TACC2: variants seen among roughly 807,000 people sequenced by gnomAD.
TACC2 encodes the protein transforming acidic coiled-coil containing protein 2.
TACC2 carries 137 observed loss-of-function variants against 227.3 expected under a neutral mutation model. That is an observed-to-expected ratio of 0.60 (90% CI 0.52 to 0.69). The LOEUF is 0.69. TACC2 is among the 30% of genes least tolerant of loss of function. TACC2 has a pLI of 0.00. For synonymous variants in TACC2, 1,523 were observed against 1,487.5 expected, an observed-to-expected ratio of 1.02 and a Z score of -0.55; for missense variants, 3,470 against 3,694.4, an observed-to-expected ratio of 0.94 and a Z score of 1.57.
At position 122,236,850 on chromosome 10, in the gene TACC2, A is replaced by G. The variant is rs17103254; in HGVS notation, c.8128-545A>G. On this transcript the variant is annotated intron_variant, in intron 16 of 22. Transcript: ENST00000369005. ...CAGAGACTCTACCTAGCCAAAGGTG[A>G]TATTGGTTGACAACTACAGTAGGCT... is the stretch of plus-strand genomic sequence containing the variant. 0.011 allele frequency among the ~76,000 whole-genome samples: 1,705 copies of G among 152,346 alleles called. 112 individuals are homozygous for G. The East Asian group carries it at 0.2, about 18-fold the overall frequency.
intron 1 of TACC2, among the ~76,000 whole-genome samples, chr10:121,990,299 T>A (rs1952976493): frequency 6.6e-6 from 1 of 151,906 alleles, no homozygotes; most frequent in Non-Finnish European, 1.5e-5. Flanking sequence ...TTATTTTTTA[T>A]AGAGATGGGG....
chr10:122,023,353 A>G (rs1440248469), intron 2 of TACC2: 1 of 152,148 alleles, frequency 6.6e-6, no homozygotes, highest in Non-Finnish European at 1.5e-5. Flanking sequence ...TTTCTCAAGC[A>G]AGAAAACAAA....
rs1194723044 is a variant in TACC2, at chr10:122,211,637, T to G, written c.7212T>G (p.Ala2404=). Residue 2404 remains alanine (A), a synonymous_variant, in exon 9 of 23, where the codon GCT becomes GCG. Coordinates refer to ENST00000369005, the MANE Select transcript of TACC2 (RefSeq NM_206862.4). The part of the protein sequence containing the change: ...SPASFEIPAS[A]MEANGVDGDG... ...CCTCCTTTGAGATCCCAGCCAGTGC[T>G]ATGGAAGCCAATGGAGTGGACGGGG... 6.2e-7 allele frequency: 1 copy of G among 1,611,396 alleles called. No homozygotes were observed.
Position 122,197,158 on chromosome 10 carries a change from G to A in TACC2, c.5971+1982G>A, listed in dbSNP as rs374171887. ...CGCCTGTAGTCCCAGCTACTCAGGAGGCTGAGGCAGGAGAATCGCTTGAAC... is the reference window on the plus strand; with the variant it reads ...CGCCTGTAGTCCCAGCTACTCAGGAAGCTGAGGCAGGAGAATCGCTTGAAC... On this transcript the variant is annotated intron_variant, in intron 8 of 22. Coordinates refer to ENST00000369005, the MANE Select transcript of TACC2 (RefSeq NM_206862.4). Among the ~76,000 whole-genome samples the A allele has an allele frequency of 8.6e-4, 131 of 152,158 alleles. 3 individuals carry two copies. The South Asian group carries it at 0.013, about 15-fold the overall frequency.
intron 2 of TACC2, among the ~76,000 whole-genome samples, chr10:122,048,407 C>CCCTT (rs1330965354): frequency 1.2e-4 from 15 of 128,286 alleles, no homozygotes; most frequent in Admixed American, 1.7e-4. Context: ...CTTCCTTCCT[C>CCCTT]CCTCCCTCCC....
At chr10:122,073,126 A>AAAATATATAT (rs1383487943) in intron 3 of TACC2, among the ~76,000 whole-genome samples, 46 of 70,970 alleles carry the variant, frequency 6.5e-4, no homozygotes, top group South Asian at 1.1e-3. Context: ...AAAAAAAAAA[A>AAAATATATAT]ATATATATAT....
chr10:122,198,175 A>T (rs1471505545), intron 8 of TACC2, among the ~76,000 whole-genome samples: 3 of 152,160 alleles, frequency 2.0e-5, no homozygotes, highest in African/African-American at 4.8e-5. Flanking sequence ...GCTCCCTGGG[A>T]TGGAAGATGT....
At chr10:122,170,420 G>A (rs1205628624) in intron 7 of TACC2, among the ~76,000 whole-genome samples, 2 of 151,902 alleles carry the variant, frequency 1.3e-5, no homozygotes, top group African/African-American at 2.4e-5. Flanking sequence ...ACAGGTGCAC[G>A]CCACTGTGCC....
chr10:122,215,443 C>T lies in TACC2; in HGVS notation c.7336C>T (p.Pro2446Ser). The T allele has an allele frequency of 6.2e-7, 1 of 1,613,912 alleles. No individual in the cohort carries two copies. Among genetic ancestry groups the T allele is most frequent in the Non-Finnish European group, 8.5e-7 (1 of 1,179,820 alleles). Reference protein sequence around the residue: ...SPKRSPLSDPPSQDPTPAATP... With the variant: ...SPKRSPLSDPSSQDPTPAATP... Reference sequence around the variant, plus strand: ...AAAACGGTCTCCTCTCTCTGATCCACCTTCCCAGGTACAGTGTTCCTTTGA... The same window carrying T: ...AAAACGGTCTCCTCTCTCTGATCCATCTTCCCAGGTACAGTGTTCCTTTGA... Residue 2446 changes from proline to serine, a missense_variant, in exon 10 of 23, where the codon CCT (proline) becomes TCT (serine). Around this residue, in one of 10 missense-constraint regions of TACC2, gnomAD observed 593 missense variants for 636.6 expected, o/e 0.93. Coordinates refer to ENST00000369005, the MANE Select transcript of TACC2 (RefSeq NM_206862.4).
chr10:122,216,306 T>C (rs529161087), intron 10 of TACC2, among the ~76,000 whole-genome samples: 32 of 152,204 alleles, frequency 2.1e-4, no homozygotes, highest in African/African-American at 6.3e-4. Context: ...CCTGAAGCAC[T>C]GTGTGAGCCT....
rs532036776 is a variant in TACC2 at position 122,162,315 on chromosome 10, C to T, written c.5834+18609C>T. On this transcript the variant is annotated intron_variant, in intron 7 of 22. Transcript: ENST00000369005. ...GAGCCCATCCAAACATCCTTGGCCACGTCGCTAGAAAACAGTGTATTGGAG... is the reference window on the plus strand; with the variant it reads ...GAGCCCATCCAAACATCCTTGGCCATGTCGCTAGAAAACAGTGTATTGGAG... 6.6e-5 allele frequency among the ~76,000 whole-genome samples: 10 copies of T among 152,288 alleles called. No homozygotes were observed. The East Asian group carries it at 1.7e-3, about 26-fold the overall frequency.
At chr10:122,166,279 G>A (rs903502750) in intron 7 of TACC2, among the ~76,000 whole-genome samples, 1 of 152,188 alleles carries the variant, frequency 6.6e-6, no homozygotes, top group Non-Finnish European at 1.5e-5. Flanking sequence ...ATTTGGAAGT[G>A]ACTGAAGGAT....
chr10:122,168,962 C>T (rs1180192118), intron 7 of TACC2, among the ~76,000 whole-genome samples: 1 of 152,178 alleles, frequency 6.6e-6, no homozygotes, highest in Non-Finnish European at 1.5e-5. Context: ...AGGACTTAGG[C>T]ATTGTAAGCA....
At chr10:122,115,393 A>G (rs2084497453) in intron 5 of TACC2, among the ~76,000 whole-genome samples, 1 of 152,070 alleles carries the variant, frequency 6.6e-6, no homozygotes, top group Non-Finnish European at 1.5e-5. Flanking sequence ...ATGTCTGGAA[A>G]TGTGGGAGGA....
chr10:122,102,559 T>C (rs1412711223), intron 5 of TACC2, among the ~76,000 whole-genome samples: 2 of 152,222 alleles, frequency 1.3e-5, no homozygotes, highest in East Asian at 3.8e-4. Flanking sequence ...GAAAGTTGTT[T>C]TTCTGCCAGA....
At chr10:122,101,723 CTTTTT>C (rs1179126977) in intron 5 of TACC2, among the ~76,000 whole-genome samples, 1 of 55,726 alleles carries the variant, frequency 1.8e-5, no homozygotes, top group Non-Finnish European at 3.0e-5. Flanking sequence ...CCATGCCCAG[CTTTTT>C]TTTTTTTTTT....
chr10:122,144,868 A>G (rs1162224781), intron 7 of TACC2, among the ~76,000 whole-genome samples: 1 of 152,192 alleles, frequency 6.6e-6, no homozygotes, highest in Non-Finnish European at 1.5e-5. Flanking sequence ...TTGGCAGAGC[A>G]GGAACATTTG....
chr10:122,016,058 G>T (rs1285619003), intron 1 of TACC2, among the ~76,000 whole-genome samples: 1 of 150,344 alleles, frequency 6.7e-6, no homozygotes, highest in Non-Finnish European at 1.5e-5. Flanking sequence ...CCCAGGAATT[G>T]GAGACCAGCC....
chr10:122,130,968 C>T (rs1274140942), intron 5 of TACC2, among the ~76,000 whole-genome samples: 2 of 152,064 alleles, frequency 1.3e-5, no homozygotes, highest in African/African-American at 4.8e-5. Flanking sequence ...ACCATCTGCA[C>T]CTTCCTTCTT....
Sources: gnomAD v4.1 joint callset for allele counts (sites outside exome capture counted in the v4.1 genomes callset) on GRCh38, gnomAD v4.1.1 for gene constraint, gnomAD v4.1.1 regional missense constraint, MANE v1.5 for transcripts, NCBI Gene and HGNC (gene_info 2026-07-23, HGNC 2026-07-21) for gene names.